SORCS2: variants seen among roughly 807,000 people sequenced by gnomAD.
SORCS2 encodes the protein sortilin related VPS10 domain containing receptor 2, also known as VPS10 domain-containing receptor SorCS2.
SORCS2 carries 100 observed loss-of-function variants against 141.6 expected under a neutral mutation model. The observed-to-expected ratio is 0.71, with a 90% CI of 0.60 to 0.83. The LOEUF is 0.83. Among genes scored for constraint, SORCS2 ranks in the 40% least tolerant of loss-of-function variants. The pLI is 0.00. For synonymous variants in SORCS2, 789 were observed against 676.9 expected (o/e 1.17, Z -2.57); for missense variants, 1,646 against 1,560.2 (o/e 1.05, Z -0.93).
chr4:7,684,793 G>T (rs1402315766), intron 10 of SORCS2, among the ~76,000 whole-genome samples: 1 of 152,116 alleles, frequency 6.6e-6, no homozygotes, highest in Non-Finnish European at 1.5e-5. Flanking sequence ...ACACAGCAGG[G>T]CTCAGAAAAT....
At position 7,258,307 on chromosome 4, in the gene SORCS2, C is replaced by T. The variant is rs532377100; in HGVS notation, c.480+65181C>T. Among the ~76,000 whole-genome samples the T allele has an allele frequency of 9.9e-5, 15 of 152,264 alleles. No individual in the cohort carries two copies. The East Asian group carries it at 2.5e-3, about 26-fold the overall frequency. Reference sequence around the variant, plus strand: ...GTGCTATCCCTTCCCTAACACCACACCCACCGACAGGCCCCGGTGTGTGAT... The same window carrying T: ...GTGCTATCCCTTCCCTAACACCACATCCACCGACAGGCCCCGGTGTGTGAT... On this transcript the variant is annotated intron_variant, in intron 1 of 26. Transcript: ENST00000507866.
intron 2 of SORCS2, among the ~76,000 whole-genome samples, chr4:7,515,220 G>C (rs1577682907): frequency 6.6e-6 from 1 of 152,350 alleles, no homozygotes; most frequent in Non-Finnish European, 1.5e-5. Context: ...AGTGAGTACA[G>C]TGGCCAGCTC....
At chr4:7,558,287 A>T (rs1252963367) in intron 3 of SORCS2, among the ~76,000 whole-genome samples, 1 of 152,218 alleles carries the variant, frequency 6.6e-6, no homozygotes, top group Non-Finnish European at 1.5e-5. Flanking sequence ...GTGTTGTGGG[A>T]CAGAGCTGTC....
intron 1 of SORCS2, among the ~76,000 whole-genome samples, chr4:7,395,696 T>C (rs1724167842): frequency 6.6e-6 from 1 of 152,156 alleles, no homozygotes; most frequent in Non-Finnish European, 1.5e-5. Context: ...AATGAATGAA[T>C]GGTCTCAACA....
At chr4:7,396,436 A>AGCTG in intron 2 of SORCS2, 81 bp downstream of exon 2, 2 of 1,441,212 alleles carry the variant, frequency 1.4e-6, no homozygotes. Context: ...ACCGAGATCC[A>AGCTG]AACACCTCAC....
intron 3 of SORCS2, among the ~76,000 whole-genome samples, chr4:7,579,783 T>C (rs542642032): frequency 1.2e-4 from 19 of 152,258 alleles, no homozygotes; most frequent in African/African-American, 4.3e-4. Flanking sequence ...ATAAAAAACC[T>C]ATGCACATCT....
At chr4:7,390,629 A>G (rs1037271554) in intron 1 of SORCS2, among the ~76,000 whole-genome samples, 41 of 152,204 alleles carry the variant, frequency 2.7e-4, no homozygotes, top group Admixed American at 1.8e-3. Flanking sequence ...GCCCCACTGC[A>G]CAAGAGCAGA....
chr4:7,410,803 A>G (rs1029332612), intron 2 of SORCS2, among the ~76,000 whole-genome samples: 3 of 151,096 alleles, frequency 2.0e-5, no homozygotes, highest in African/African-American at 7.4e-5. Flanking sequence ...CTGTGAATCA[A>G]TGATTTGATG....
intron 1 of SORCS2, among the ~76,000 whole-genome samples, chr4:7,373,477 T>TATATATATA (rs1399174075): frequency 2.7e-4 from 18 of 66,490 alleles, no homozygotes; most frequent in African/African-American, 1.5e-3. Flanking sequence ...TATATATATA[T>TATATATATA]ATTTTTTTTT....
chr4:7,193,479 C>T lies in SORCS2; in HGVS notation c.480+353C>T, dbSNP rs756979357. Among the ~76,000 whole-genome samples, 1 of 152,166 alleles carries T rather than the reference C, an allele frequency of 6.6e-6. No individual in the cohort carries two copies. The highest frequency in any genetic ancestry group is 6.5e-5 in the Admixed American group (1 of 15,284). On this transcript the variant is annotated intron_variant, in intron 1 of 26. Transcript: ENST00000507866. The surrounding 1 kb of genome is among the most constrained non-coding windows in gnomAD (Gnocchi z 4.8). Reference sequence around the variant, plus strand: ...GGTCCTTGAGGGTACCCCAGCTCGGCGTTACCTCCCCTGCCCCCAGACTCC... The same window carrying T: ...GGTCCTTGAGGGTACCCCAGCTCGGTGTTACCTCCCCTGCCCCCAGACTCC...
chr4:7,224,946 C>T (rs554631428), intron 1 of SORCS2, among the ~76,000 whole-genome samples: 4 of 152,330 alleles, frequency 2.6e-5, no homozygotes, highest in South Asian at 2.1e-4. Context: ...TGTAAACAGA[C>T]CGGTCTTCTC....
intron 1 of SORCS2, among the ~76,000 whole-genome samples, chr4:7,353,250 G>T (rs189890439): frequency 6.6e-6 from 1 of 152,214 alleles, no homozygotes; most frequent in East Asian, 1.9e-4. Context: ...CAAAAAAGTG[G>T]GGGTGTCTCA....
chr4:7,522,082 C>G (rs1043022836), intron 2 of SORCS2, among the ~76,000 whole-genome samples: 1 of 152,220 alleles, frequency 6.6e-6, no homozygotes, highest in Non-Finnish European at 1.5e-5. Flanking sequence ...CTTCATTAAC[C>G]CTTTGTTCAG....
intron 3 of SORCS2, among the ~76,000 whole-genome samples, chr4:7,547,942 C>A (rs1365259079): frequency 6.6e-6 from 1 of 152,230 alleles, no homozygotes; most frequent in African/African-American, 2.4e-5. Flanking sequence ...CATGCCACGG[C>A]CCACATGTCT....
chr4:7,592,255 TA>T (rs1399602361), intron 3 of SORCS2, among the ~76,000 whole-genome samples: 156 of 152,062 alleles, frequency 1.0e-3, no homozygotes, highest in Middle Eastern at 3.4e-3. Flanking sequence ...TAATTATTAT[TA>T]TTTTTTTTAA....
rs374625765 is a variant in SORCS2, at chr4:7,219,341, GCTA to G, written c.480+26216_480+26218del. The stretch of plus-strand genomic sequence containing the variant: ...TCTCTAACTTGGCTTTAGAATATCT[GCTA>G]TCTAGGCCGCATTCTAAGGAGCCTG... On this transcript the variant is annotated intron_variant, in intron 1 of 26. Transcript: ENST00000507866. Among the ~76,000 whole-genome samples the G allele has an allele frequency of 1.8e-3, 278 of 152,208 alleles. 1 individual carries two copies. Among genetic ancestry groups the G allele is most frequent in the African/African-American group, 6.3e-3 (263 of 41,532 alleles).
At chr4:7,643,918 A>G (rs140774355) in intron 4 of SORCS2, among the ~76,000 whole-genome samples, 1 of 152,278 alleles carries the variant, frequency 6.6e-6, no homozygotes, top group East Asian at 1.9e-4. Flanking sequence ...CAGGGAAAAG[A>G]TTGGGCATCT....
intron 1 of SORCS2, among the ~76,000 whole-genome samples, chr4:7,343,554 C>G (rs1333347780): frequency 6.6e-6 from 1 of 152,228 alleles, no homozygotes; most frequent in African/African-American, 2.4e-5. Flanking sequence ...GCCTTGACCT[C>G]CGTAAGTGCA....
chr4:7,344,085 G>A (rs1720519246), intron 1 of SORCS2, among the ~76,000 whole-genome samples: 1 of 152,234 alleles, frequency 6.6e-6, no homozygotes, highest in South Asian at 2.1e-4. Context: ...GGTATGGGGT[G>A]GGTGCGGTGT....
Sources: gnomAD v4.1 joint callset for allele counts (sites outside exome capture counted in the v4.1 genomes callset) on GRCh38, gnomAD v4.1.1 for gene constraint, Gnocchi (gnomAD v3.1) non-coding constraint, MANE v1.5 for transcripts, NCBI Gene and HGNC (gene_info 2026-07-23, HGNC 2026-07-21) for gene names.